NAALADL2: variants seen among roughly 807,000 people sequenced by gnomAD.
NAALADL2 encodes inactive N-acetylated-alpha-linked acidic dipeptidase-like protein 2.
A neutral mutation model predicts 87.2 loss-of-function variants in NAALADL2; 76 were observed. That is an observed-to-expected ratio of 0.87 (90% CI 0.72 to 1.05). The LOEUF (loss-of-function observed/expected upper bound fraction) is 1.05, where lower values mean the gene tolerates loss of function less well. Among genes scored for constraint, NAALADL2 ranks in the 50% least tolerant of loss-of-function variants. NAALADL2 has a pLI of 0.00. For missense variants in NAALADL2, 1,089 were observed against 945.8 expected (o/e 1.15, Z -1.99); for synonymous variants, 354 against 331.0 (o/e 1.07, Z -0.75).
intron 2 of NAALADL2, among the ~76,000 whole-genome samples, chr3:175,230,162 TAC>T (rs1009604318): frequency 6.6e-6 from 1 of 151,794 alleles, no homozygotes; most frequent in African/African-American, 2.4e-5. Context: ...TGCTCACACA[TAC>T]ACACACATTC....
intron 2 of NAALADL2, among the ~76,000 whole-genome samples, chr3:174,703,529 G>C (rs541046867): frequency 2.0e-5 from 3 of 152,100 alleles, no homozygotes; most frequent in South Asian, 2.1e-4. Flanking sequence ...ATGATAATAA[G>C]TGGGTCGTCA....
rs1251339575 is a variant in NAALADL2, at chr3:175,807,982, C to G, written c.*4779C>G. On this transcript the variant is annotated 3_prime_UTR_variant, in exon 14 of 14. Coordinates refer to ENST00000454872, the MANE Select transcript of NAALADL2 (RefSeq NM_207015.3). ...TAGCCTTTTCTGGTCATTACCATGT[C>G]TACTCAAGTTTCTGTTTTCTAGGTA... 1.3e-5 allele frequency: 2 copies of G among 151,940 alleles called. No individual in the cohort carries two copies. Among genetic ancestry groups the G allele is most frequent in the African/African-American group, 4.8e-5 (2 of 41,422 alleles). 9.4% of individuals were successfully genotyped at this position (151,940 alleles called of 1,614,324 possible).
At chr3:174,882,792 T>C (rs558675712) in intron 1 of NAALADL2, among the ~76,000 whole-genome samples, 1 of 108,014 alleles carries the variant, frequency 9.3e-6, no homozygotes, top group East Asian at 3.3e-4. Flanking sequence ...TATGTGTATA[T>C]ATACACGTGT....
At chr3:175,236,323 A>G (rs1183771494) in intron 3 of NAALADL2, among the ~76,000 whole-genome samples, 1 of 151,980 alleles carries the variant, frequency 6.6e-6, no homozygotes, top group East Asian at 1.9e-4. Context: ...AGGCGGGTGG[A>G]TCACCTGAGG....
intron 4 of NAALADL2, among the ~76,000 whole-genome samples, chr3:175,275,673 G>A (rs1243822427): frequency 6.6e-6 from 1 of 151,844 alleles, no homozygotes; most frequent in Admixed American, 6.6e-5. Context: ...TTGCCCATAT[G>A]GTGTCTTTAT....
In NAALADL2 at chr3:175,324,307, C is replaced by G. The variant is rs1760404870; in HGVS notation, c.1072C>G (p.Pro358Ala). Reference sequence around the variant, plus strand: ...GAATCCAGGAGGAGACCCTTCTACGCCTGGTTACCCAAGTGTCGGTAAGTT... The same window carrying G: ...GAATCCAGGAGGAGACCCTTCTACGGCTGGTTACCCAAGTGTCGGTAAGTT... ...SLNPGGDPST[P>A]GYPSVDESFR... The change falls in exon 5 of 14, where the codon CCT (proline) becomes GCT (alanine). Residue 358 changes from proline to alanine, a missense_variant. Coordinates refer to ENST00000454872, the MANE Select transcript of NAALADL2 (RefSeq NM_207015.3). The G allele has an allele frequency of 6.2e-7, 1 of 1,611,502 alleles. No homozygotes were observed. Among genetic ancestry groups the G allele is most frequent in the Non-Finnish European group, 8.5e-7 (1 of 1,179,066 alleles).
chr3:175,530,544 C>T (rs1413280463), intron 9 of NAALADL2, among the ~76,000 whole-genome samples: 2 of 152,160 alleles, frequency 1.3e-5, no homozygotes, highest in Non-Finnish European at 2.9e-5. Flanking sequence ...CTGCAGCTGT[C>T]CACTTTTGGA....
At position 175,803,301 on chromosome 3, in the gene NAALADL2, T is replaced by A. The variant is rs1180974306; in HGVS notation, c.*98T>A. 2.7e-6 allele frequency: 2 copies of A among 748,158 alleles called. No individual in the cohort carries two copies. The highest frequency in any genetic ancestry group is 4.2e-6 in the Non-Finnish European group (2 of 475,842). The allele number at this position is 748,158 out of a possible 1,614,324, so 46.3% of individuals were successfully genotyped here. On this transcript the variant is annotated 3_prime_UTR_variant, in exon 14 of 14. Transcript: ENST00000454872. The stretch of plus-strand genomic sequence containing the variant: ...GACATTGAAGGCTTATTTTCCCCAA[T>A]GGCTTTTTGACAAGTATAAAGCTAT...
chr3:175,102,540 C>G (rs531041863), intron 2 of NAALADL2, among the ~76,000 whole-genome samples: 9 of 152,238 alleles, frequency 5.9e-5, no homozygotes, highest in African/African-American at 2.2e-4. Context: ...GTAAAGCAGT[C>G]AATCACAGTA....
At chr3:174,602,938 G>C (rs551964688) in intron 2 of NAALADL2, among the ~76,000 whole-genome samples, 2 of 152,082 alleles carry the variant, frequency 1.3e-5, no homozygotes, top group South Asian at 4.2e-4. Context: ...TGATTGATTT[G>C]TGTATGTTGA....
At chr3:175,205,931 A>C (rs1196327160) in intron 2 of NAALADL2, among the ~76,000 whole-genome samples, 2 of 152,022 alleles carry the variant, frequency 1.3e-5, no homozygotes, top group East Asian at 3.9e-4. Flanking sequence ...GGCCATAATA[A>C]AAAAATAAAA....
intron 5 of NAALADL2, among the ~76,000 whole-genome samples, chr3:175,342,392 G>C (rs1762651412): frequency 6.6e-6 from 1 of 152,012 alleles, no homozygotes; most frequent in Admixed American, 6.6e-5. Context: ...CAAAGCATCT[G>C]ATCCTTAGGC....
At chr3:175,014,958 T>G (rs2108833165) in intron 1 of NAALADL2, among the ~76,000 whole-genome samples, 1 of 152,152 alleles carries the variant, frequency 6.6e-6, no homozygotes, top group Middle Eastern at 3.4e-3. Flanking sequence ...ACTTTCAAAT[T>G]TAAAAGACTA....
intron 11 of NAALADL2, among the ~76,000 whole-genome samples, chr3:175,684,065 A>T (rs970828775): frequency 6.6e-6 from 1 of 152,058 alleles, no homozygotes; most frequent in Non-Finnish European, 1.5e-5. Flanking sequence ...TGAGCTTTTA[A>T]ACTGTTCTTT....
intron 1 of NAALADL2, among the ~76,000 whole-genome samples, chr3:174,475,100 T>C (rs1037244304): frequency 2.0e-5 from 3 of 151,586 alleles, no homozygotes; most frequent in South Asian, 4.2e-4. Context: ...CTTACCTAAA[T>C]GATTAGAGAA....
rs192577732 is a variant in NAALADL2, at chr3:174,822,002, T to C, written c.-9+84256T>C. 3.0e-4 allele frequency among the ~76,000 whole-genome samples: 45 copies of C among 152,270 alleles called. No individual in the cohort carries two copies. The East Asian group carries it at 8.5e-3, about 29-fold the overall frequency. ...TTAAAATTCACTGCGATAATAAAGA[T>C]AATGGTAGTAATAAATGATGTATAT... On this transcript the variant is annotated intron_variant, in intron 3 of 3. Transcript: ENST00000434257.
chr3:175,751,505 C>T (rs139981411), intron 12 of NAALADL2, among the ~76,000 whole-genome samples: 12 of 152,116 alleles, frequency 7.9e-5, no homozygotes, highest in African/African-American at 2.9e-4. Context: ...ATAATACAAA[C>T]TTGCGTAAAT....
At chr3:175,331,494 T>TA (rs1761393204) in intron 5 of NAALADL2, among the ~76,000 whole-genome samples, 1 of 152,060 alleles carries the variant, frequency 6.6e-6, no homozygotes, top group South Asian at 2.1e-4. Flanking sequence ...TAAACACTGA[T>TA]AAAACGAAAG....
At chr3:174,881,933 G>A (rs1016317105) in intron 1 of NAALADL2, among the ~76,000 whole-genome samples, 10 of 152,056 alleles carry the variant, frequency 6.6e-5, no homozygotes, top group African/African-American at 2.2e-4. Context: ...TTTGGGGAAA[G>A]GCCTTTGGTG....
Sources: allele counts gnomAD v4.1 joint callset (sites outside exome capture counted in the v4.1 genomes callset), GRCh38; gene constraint gnomAD v4.1.1; transcripts MANE v1.5; gene names NCBI Gene and HGNC (gene_info 2026-07-23, HGNC 2026-07-21).